Variants in TMEM229B observed in about 807,000 individuals in gnomAD.
The protein encoded by TMEM229B is chromosome 14 open reading frame 83.
Under a neutral mutation model 13.7 loss-of-function variants are expected in TMEM229B, and 6 were observed. That is an observed-to-expected ratio of 0.44 (90% CI 0.24 to 0.86). TMEM229B has a LOEUF of 0.86. Ranked by LOEUF, TMEM229B falls within the 40% of genes least tolerant of loss-of-function variation. The probability of loss-of-function intolerance (pLI) is 0.23; values close to 1 mark genes in which losing one functional copy is unlikely to be tolerated. For synonymous variants in TMEM229B, 107 were observed against 102.1 expected (o/e 1.05, Z -0.29); for missense variants, 170 against 236.0 (o/e 0.72, Z 1.83).
At position 67,473,974 on chromosome 14, in the gene TMEM229B, C is replaced by G. The variant is rs766542978; in HGVS notation, c.-18-33G>C. On this transcript the variant is annotated intron_variant, in intron 2 of 2. Coordinates refer to ENST00000554480, the MANE Select transcript of TMEM229B (RefSeq NM_001348543.2). This position sits in a 1 kb window ranked among gnomAD's most constrained non-coding sequence, Gnocchi z 6.5. ...GGGCGCAAGAGAGACAGGTGAGGGC[C>G]GGGCGCGGTGGCTCACGCCTATAAT... The G allele has an allele frequency of 5.2e-6, 8 of 1,535,482 alleles. No individual in the cohort carries two copies. Among genetic ancestry groups the G allele is most frequent in the Non-Finnish European group, 6.1e-6 (7 of 1,142,902 alleles).
chr14:67,515,287 TCCCCCACGCCGCCTGGCA>T (rs1348157893), exon 1 of TMEM229B: 6 of 152,798 alleles, frequency 3.9e-5, no homozygotes, highest in African/African-American at 1.5e-4. Context: ...GGGCCGTGCC[TCCCCCACGCCGCCTGGCA>T]CTCCCGCGCC....
rs114999109 is a variant in TMEM229B at position 67,527,370 on chromosome 14, G to A, written c.-192+6266C>T. On this transcript the variant is annotated intron_variant, in intron 1 of 2. Transcript: ENST00000554278. ...ATTCCTCTGTTTCAGCTCGGGAGCC[G>A]GAGGTTGCAGTGAGCCGATATCGCA... 9.9e-3 allele frequency among the ~76,000 whole-genome samples: 1,502 copies of A among 152,244 alleles called. 29 individuals are homozygous for A. Among genetic ancestry groups the A allele is most frequent in the African/African-American group, 0.034 (1,422 of 41,532 alleles).
chr14:67,533,103 T>A (rs967181312), intron 1 of TMEM229B, among the ~76,000 whole-genome samples: 1 of 152,104 alleles, frequency 6.6e-6, no homozygotes, highest in Non-Finnish European at 1.5e-5. Flanking sequence ...CCTGGAGAGC[T>A]GAGCCCAGCG....
chr14:67,496,391 GTTTTTTTT>G (rs555715850), intron 1 of TMEM229B, among the ~76,000 whole-genome samples: 3 of 30,106 alleles, frequency 1.0e-4, no homozygotes, highest in South Asian at 4.3e-3. Flanking sequence ...CTGCTCCGGC[GTTTTTTTT>G]TTTTTTTTTT....
In TMEM229B at chr14:67,473,672, G is replaced by T. The variant is rs1308186412; in HGVS notation, c.252C>A (p.Thr84=). ...LLRCLIYTLW[T]YLWEFTTGFI... is the part of the protein sequence containing the mutation. ...AGCCGGTGGTGAACTCCCACAGGTA[G>T]GTCCAGAGCGTGTAGATGAGGCAGC... The change falls in exon 3 of 3, where the codon ACC becomes ACA. Residue 84 remains threonine, a synonymous_variant. Transcript: ENST00000554480. The surrounding 1 kb of genome is among the most constrained non-coding windows in gnomAD (Gnocchi z 6.5). 6.3e-7 allele frequency: 1 copy of T among 1,581,534 alleles called. No homozygotes were observed. Among genetic ancestry groups the T allele is most frequent in the East Asian group, 2.3e-5 (1 of 43,200 alleles).
chr14:67,531,471 C>G (rs2033447568), intron 1 of TMEM229B, among the ~76,000 whole-genome samples: 1 of 151,972 alleles, frequency 6.6e-6, no homozygotes, highest in African/African-American at 2.4e-5. Context: ...ACTCTATGGC[C>G]CCAAACTCAT....
At chr14:67,518,633 C>T (rs527680676), upstream of TMEM229B, among the ~76,000 whole-genome samples, 2 of 152,210 alleles carry the variant, frequency 1.3e-5, no homozygotes, top group African/African-American at 2.4e-5. Flanking sequence ...GACATATATT[C>T]TGAAAGGCAA....
At chr14:67,474,868 T>A (rs977746543) in intron 2 of TMEM229B, among the ~76,000 whole-genome samples, 2 of 152,052 alleles carry the variant, frequency 1.3e-5, no homozygotes, top group Non-Finnish European at 2.9e-5. Context: ...CTTAGCCTAA[T>A]GTCTTTAAGG....
intron 2 of TMEM229B, among the ~76,000 whole-genome samples, chr14:67,476,156 G>A (rs1035584738): frequency 6.6e-6 from 1 of 152,250 alleles, no homozygotes; most frequent in Admixed American, 6.5e-5. Context: ...GGCATCTGTA[G>A]TATGCACACC....
upstream of TMEM229B, among the ~76,000 whole-genome samples, chr14:67,518,775 C>A (rs145584238): frequency 2.9e-3 from 438 of 152,242 alleles, 5 homozygotes; most frequent in African/African-American, 9.9e-3. Flanking sequence ...AGAATTGGTT[C>A]CCAGGGGCTG....
chr14:67,509,324 CTT>C (rs5809349), intron 1 of TMEM229B, among the ~76,000 whole-genome samples: 3 of 149,630 alleles, frequency 2.0e-5, no homozygotes, highest in Non-Finnish European at 3.0e-5. Context: ...TCAACTCTCT[CTT>C]TTTTTTTTTG....
At chr14:67,506,614 G>A (rs1434622058) in intron 1 of TMEM229B, among the ~76,000 whole-genome samples, 2 of 152,124 alleles carry the variant, frequency 1.3e-5, no homozygotes, top group Non-Finnish European at 2.9e-5. Flanking sequence ...GGTTCAGTGG[G>A]AACTCATTTG....
At chr14:67,520,653 G>T (rs998929682) in intron 1 of TMEM229B, among the ~76,000 whole-genome samples, 2 of 151,028 alleles carry the variant, frequency 1.3e-5, no homozygotes, top group African/African-American at 4.9e-5. Flanking sequence ...CTCCATGCAG[G>T]TTTTTATGTG....
intron 2 of TMEM229B, among the ~76,000 whole-genome samples, chr14:67,484,327 C>A (rs1232691532): frequency 6.6e-6 from 1 of 152,190 alleles, no homozygotes; most frequent in Non-Finnish European, 1.5e-5. Flanking sequence ...TGAGTGGGCC[C>A]AAACAGGCCC....
chr14:67,528,442 C>T (rs2033399456), intron 1 of TMEM229B, among the ~76,000 whole-genome samples: 1 of 152,220 alleles, frequency 6.6e-6, no homozygotes, highest in Non-Finnish European at 1.5e-5. Flanking sequence ...CTACTTAAAG[C>T]TGGTCCCTGC....
At chr14:67,525,077 T>G (rs965376688) in intron 1 of TMEM229B, among the ~76,000 whole-genome samples, 22 of 152,160 alleles carry the variant, frequency 1.4e-4, no homozygotes, top group African/African-American at 5.1e-4. Context: ...TTTAATAGCT[T>G]TATTAGAAAA....
At chr14:67,509,853 T>C (rs1314088175) in intron 1 of TMEM229B, among the ~76,000 whole-genome samples, 1 of 151,888 alleles carries the variant, frequency 6.6e-6, no homozygotes, top group Non-Finnish European at 1.5e-5. Context: ...TGTCTCCATA[T>C]AAACAATTTT....
chr14:67,478,697 C>T (rs2031382954), intron 2 of TMEM229B, among the ~76,000 whole-genome samples: 1 of 152,168 alleles, frequency 6.6e-6, no homozygotes, highest in Admixed American at 6.5e-5. Flanking sequence ...GCTGTTTTTG[C>T]TACCTGGGCC....
rs922363597 is a variant in TMEM229B at position 67,479,297 on chromosome 14, T to A, written c.-18-5356A>T. 6.0e-5 allele frequency among the ~76,000 whole-genome samples: 9 copies of A among 150,902 alleles called. No homozygotes were observed. The East Asian group carries it at 1.8e-3, about 29-fold the overall frequency. On this transcript the variant is annotated intron_variant, in intron 2 of 2. Transcript: ENST00000554480. ...GGCGTGTGCCTGTAATCCCAGCTAC[T>A]CGGGAGGCTGAGGCAGAAGAATTGC...
Sources: allele counts gnomAD v4.1 joint callset (sites outside exome capture counted in the v4.1 genomes callset), GRCh38; gene constraint gnomAD v4.1.1; non-coding constraint Gnocchi (gnomAD v3.1); transcripts MANE v1.5; gene names NCBI Gene and HGNC (gene_info 2026-07-23, HGNC 2026-07-21).